JAM2: variants seen among roughly 807,000 people sequenced by gnomAD.
The protein encoded by JAM2 is junctional adhesion molecule 2.
JAM2 carries 17 observed loss-of-function variants against 42.0 expected under a neutral mutation model. That is an observed-to-expected ratio of 0.40 (90% CI 0.28 to 0.61). The LOEUF (loss-of-function observed/expected upper bound fraction) is 0.61, where lower values mean the gene tolerates loss of function less well. Among genes scored for constraint, JAM2 ranks in the 20% least tolerant of loss-of-function variants. The pLI is 0.37. For synonymous variants in JAM2, 118 were observed against 128.6 expected (o/e 0.92, Z 0.56); for missense variants, 319 against 358.3 (o/e 0.89, Z 0.89).
At chr21:25,675,712 C>A (rs1406590236) in intron 1 of JAM2, among the ~76,000 whole-genome samples, 2 of 152,102 alleles carry the variant, frequency 1.3e-5, no homozygotes, top group Non-Finnish European at 2.9e-5. Context: ...ATCATGACAA[C>A]AGTTCCAAGG....
At chr21:25,699,680 G>A (rs1311127840) in intron 5 of JAM2, among the ~76,000 whole-genome samples, 15 of 131,644 alleles carry the variant, frequency 1.1e-4, no homozygotes, top group Admixed American at 1.1e-3. Flanking sequence ...CAGAGATCGC[G>A]CCACTGCGCT....
In JAM2 at chr21:25,686,066, T is replaced by G. The variant is rs1340689626; in HGVS notation, c.133+2118T>G. On this transcript the variant is annotated intron_variant, in intron 2 of 9. Coordinates refer to ENST00000480456, the MANE Select transcript of JAM2 (RefSeq NM_021219.4). ...TTTTAAGTGAACAATTCAGTGGCAT[T>G]TGACACATTCACAGTTTTGTGCAAC... Among the ~76,000 whole-genome samples the G allele has an allele frequency of 2.0e-5, 3 of 152,228 alleles. No homozygotes were observed. The East Asian group carries it at 5.8e-4, about 29-fold the overall frequency.
intron 1 of JAM2, among the ~76,000 whole-genome samples, chr21:25,676,359 T>G (rs2033497175): frequency 1.3e-5 from 2 of 149,758 alleles, no homozygotes; most frequent in Admixed American, 1.3e-4. Flanking sequence ...TTCCTAGTCA[T>G]GTTTTCAATT....
intron 9 of JAM2, among the ~76,000 whole-genome samples, chr21:25,713,430 T>G (rs1305996205): frequency 6.6e-6 from 1 of 151,984 alleles, no homozygotes; most frequent in East Asian, 1.9e-4. Context: ...ATATAGTGGG[T>G]TGGGGCAGGG....
chr21:25,680,100 C>T (rs1225536639), intron 1 of JAM2, among the ~76,000 whole-genome samples: 5 of 152,142 alleles, frequency 3.3e-5, no homozygotes, highest in African/African-American at 1.2e-4. Context: ...CTATTATTAT[C>T]CTTTCTCAAG....
intron 1 of JAM2, among the ~76,000 whole-genome samples, chr21:25,672,301 C>A (rs1025680408): frequency 1.3e-5 from 2 of 152,004 alleles, no homozygotes; most frequent in Non-Finnish European, 2.9e-5. Context: ...TATCCCTGAC[C>A]CAAACAGCCC....
chr21:25,684,336 C>G (rs1053509612), intron 2 of JAM2, among the ~76,000 whole-genome samples: 2 of 152,118 alleles, frequency 1.3e-5, no homozygotes, highest in East Asian at 1.9e-4. Flanking sequence ...TTTGGGGTAC[C>G]ATGTTCTTAT....
chr21:25,693,249 T>G (rs953823797), intron 3 of JAM2, among the ~76,000 whole-genome samples: 1 of 149,676 alleles, frequency 6.7e-6, no homozygotes, highest in African/African-American at 2.5e-5. Context: ...TATAAAACTA[T>G]GCTTTTTTGA....
At position 25,639,902 on chromosome 21, in the gene JAM2, G is replaced by T; in HGVS notation, c.67+14G>T. The T allele has an allele frequency of 6.4e-7, 1 of 1,571,490 alleles. No homozygotes were observed. Among genetic ancestry groups the T allele is most frequent in the East Asian group, 2.3e-5 (1 of 43,218 alleles). On this transcript the variant is annotated intron_variant, in intron 1 of 9. Coordinates refer to ENST00000480456, the MANE Select transcript of JAM2 (RefSeq NM_021219.4). ...TCGCCCTGGGCTGTAAGTTGCTCGG[G>T]TTCCTCTACCCTTCCTGCCTGGACC...
chr21:25,652,539 T>C (rs1042277425), intron 1 of JAM2, among the ~76,000 whole-genome samples: 1 of 152,186 alleles, frequency 6.6e-6, no homozygotes, highest in African/African-American at 2.4e-5. Context: ...CAAAAATAGC[T>C]ACAAATATGT....
chr21:25,639,960 C>T (rs952114611), intron 1 of JAM2, 72 bp downstream of exon 1: 4 of 1,112,152 alleles, frequency 3.6e-6, no homozygotes, highest in Middle Eastern at 2.0e-4. Flanking sequence ...CCCCACGGGG[C>T]GCTGGCTGAC....
intron 4 of JAM2, among the ~76,000 whole-genome samples, chr21:25,695,788 CG>C (rs1200797613): frequency 6.6e-6 from 1 of 151,106 alleles, no homozygotes; most frequent in Non-Finnish European, 1.5e-5. Flanking sequence ...ACCTCCCAGA[CG>C]GGGTCGCGGC....
intron 4 of JAM2, among the ~76,000 whole-genome samples, chr21:25,697,847 A>G (rs999051092): frequency 6.6e-6 from 1 of 151,866 alleles, no homozygotes; most frequent in Non-Finnish European, 1.5e-5. Flanking sequence ...GGTTGAGGCT[A>G]CAGTAAACCA....
At chr21:25,674,250 C>G (rs956173256) in intron 1 of JAM2, among the ~76,000 whole-genome samples, 69 of 152,140 alleles carry the variant, frequency 4.5e-4, no homozygotes, top group Admixed American at 2.4e-3. Context: ...CAAACATTAG[C>G]CAGGTGTGGT....
intron 8 of JAM2, 101 bp from the exon 9 acceptor site, chr21:25,712,239 G>T (rs1355504609): frequency 1.2e-6 from 1 of 808,788 alleles, no homozygotes. Flanking sequence ...TCATGTTCTT[G>T]CTGAGAAAAT....
intron 1 of JAM2, among the ~76,000 whole-genome samples, chr21:25,676,276 A>C (rs1226541158): frequency 1.4e-5 from 2 of 137,948 alleles, no homozygotes; most frequent in East Asian, 4.7e-4. Context: ...TGACACAGAG[A>C]GACTCGTCTC....
chr21:25,677,809 T>C (rs999692348), intron 1 of JAM2, among the ~76,000 whole-genome samples: 5 of 152,176 alleles, frequency 3.3e-5, no homozygotes, highest in Admixed American at 6.5e-5. Context: ...ACAAGAATTG[T>C]CAGTCATAAG....
intron 1 of JAM2, among the ~76,000 whole-genome samples, chr21:25,681,966 AG>A (rs930514982): frequency 6.6e-6 from 1 of 152,200 alleles, no homozygotes; most frequent in African/African-American, 2.4e-5. Context: ...TGGGTGACAG[AG>A]CGAGACTCCG....
chr21:25,685,669 G>A (rs1048948717), intron 2 of JAM2, among the ~76,000 whole-genome samples: 10 of 145,714 alleles, frequency 6.9e-5, no homozygotes, highest in African/African-American at 2.8e-4. Context: ...TCTGGTATGA[G>A]TTAGTTTTAA....
Sources: gnomAD v4.1 joint callset for allele counts (sites outside exome capture counted in the v4.1 genomes callset) on GRCh38, gnomAD v4.1.1 for gene constraint, MANE v1.5 for transcripts, NCBI Gene and HGNC (gene_info 2026-07-23, HGNC 2026-07-21) for gene names.